GRID2: variants seen among roughly 807,000 people sequenced by gnomAD.
The protein encoded by GRID2 is glutamate receptor ionotropic, delta-2.
Under a neutral mutation model 114.8 loss-of-function variants are expected in GRID2, and 33 were observed. That is an observed-to-expected ratio of 0.29 (90% CI 0.22 to 0.38). GRID2 has a LOEUF of 0.38. GRID2 is among the 10% of genes least tolerant of loss of function. The pLI is 1.00. For missense variants in GRID2, 1,184 were observed against 1,257.7 expected, an observed-to-expected ratio of 0.94 and a Z score of 0.89; for synonymous variants, 505 against 449.9, an observed-to-expected ratio of 1.12 and a Z score of -1.55.
intron 2 of GRID2, among the ~76,000 whole-genome samples, chr4:93,049,631 A>G (rs1251248183): frequency 6.6e-6 from 1 of 151,982 alleles, no homozygotes; most frequent in African/African-American, 2.4e-5. Context: ...TTAAGAAAAC[A>G]GTGTTTTTTT....
intron 2 of GRID2, among the ~76,000 whole-genome samples, chr4:92,903,622 C>T (rs896622067): frequency 1.3e-5 from 2 of 151,880 alleles, no homozygotes; most frequent in South Asian, 4.1e-4. Flanking sequence ...CCAGTAATTT[C>T]TGGCTCTTGG....
intron 2 of GRID2, among the ~76,000 whole-genome samples, chr4:92,753,536 A>G (rs530579363): frequency 5.1e-4 from 77 of 152,298 alleles, no homozygotes; most frequent in South Asian, 6.2e-4. Context: ...AAAGCATAAT[A>G]ACGAACAAAA....
chr4:92,963,390 A>G (rs922451041), intron 2 of GRID2, among the ~76,000 whole-genome samples: 1 of 152,016 alleles, frequency 6.6e-6, no homozygotes, highest in African/African-American at 2.4e-5. Context: ...GGTTTATGTA[A>G]TATTCGAAAT....
intron 2 of GRID2, among the ~76,000 whole-genome samples, chr4:92,664,921 G>A (rs72882166): frequency 0.011 from 1,696 of 147,584 alleles, 34 homozygotes; most frequent in African/African-American, 0.04. Flanking sequence ...TCTGTCTTTG[G>A]ATCCAAAGTG....
At chr4:93,131,145 A>ATTTTGTTTTTTT (rs1734758464) in intron 4 of GRID2, among the ~76,000 whole-genome samples, 1 of 88,748 alleles carries the variant, frequency 1.1e-5, no homozygotes, top group African/African-American at 5.2e-5. Context: ...AGATTAAATA[A>ATTTTGTTTTTTT]TTTTTTTTTT....
intron 1 of GRID2, among the ~76,000 whole-genome samples, chr4:92,433,761 T>A (rs1732593556): frequency 6.6e-6 from 1 of 152,194 alleles, no homozygotes; most frequent in African/African-American, 2.4e-5. Context: ...GTGGGGAGGA[T>A]GAATACTGAA....
At chr4:92,646,836 T>G (rs944155303) in intron 2 of GRID2, among the ~76,000 whole-genome samples, 3 of 152,214 alleles carry the variant, frequency 2.0e-5, no homozygotes, top group Non-Finnish European at 2.9e-5. Flanking sequence ...ACTCCTGAAT[T>G]AGTAAATGCT....
intron 1 of GRID2, among the ~76,000 whole-genome samples, chr4:92,544,709 GT>G (rs2149166239): frequency 6.6e-6 from 1 of 152,160 alleles, no homozygotes; most frequent in East Asian, 1.9e-4. Context: ...TGACATTTCA[GT>G]TTTTTAATTT....
At chr4:93,520,035 T>C (rs1365973269) in intron 13 of GRID2, among the ~76,000 whole-genome samples, 1 of 152,108 alleles carries the variant, frequency 6.6e-6, no homozygotes, top group African/African-American at 2.4e-5. Flanking sequence ...TGGGCCAGTG[T>C]CATGGGTTTT....
chr4:92,348,779 G>C (rs1227719829), intron 1 of GRID2, among the ~76,000 whole-genome samples: 2 of 151,886 alleles, frequency 1.3e-5, no homozygotes, highest in African/African-American at 2.4e-5. Context: ...CCCTAAGCAA[G>C]GTAAAGATAA....
chr4:93,307,079 C>T (rs1325638302), intron 8 of GRID2, among the ~76,000 whole-genome samples: 1 of 151,818 alleles, frequency 6.6e-6, no homozygotes, highest in Non-Finnish European at 1.5e-5. Flanking sequence ...GCCTGTAATC[C>T]CAGCTACTTG....
At chr4:92,397,228 C>T (rs1730534447) in intron 1 of GRID2, among the ~76,000 whole-genome samples, 1 of 151,576 alleles carries the variant, frequency 6.6e-6, no homozygotes, top group Admixed American at 6.6e-5. Flanking sequence ...AATTACTTAG[C>T]TTTGTAAGCT....
chr4:93,516,091 T>C (rs1037962951), intron 13 of GRID2, among the ~76,000 whole-genome samples: 1 of 152,140 alleles, frequency 6.6e-6, no homozygotes, highest in Non-Finnish European at 1.5e-5. Context: ...TTCTTAAAAT[T>C]ATCTCTAGTG....
intron 12 of GRID2, among the ~76,000 whole-genome samples, chr4:93,491,238 G>A (rs1560676239): frequency 6.6e-6 from 1 of 151,746 alleles, no homozygotes; most frequent in Admixed American, 6.6e-5. Context: ...AAAAGGGAGG[G>A]GAATAGCAAT....
chr4:93,036,543 GA>G (rs1724951774), intron 2 of GRID2, among the ~76,000 whole-genome samples: 1 of 152,048 alleles, frequency 6.6e-6, no homozygotes, highest in Non-Finnish European at 1.5e-5. Flanking sequence ...GGCTTTCAGA[GA>G]AAAGTGTTTT....
In GRID2 at chr4:92,472,074, C is replaced by T. The variant is rs1232454948; in HGVS notation, c.89-118057C>T. On this transcript the variant is annotated intron_variant, in intron 1 of 15. Coordinates refer to ENST00000282020, the MANE Select transcript of GRID2 (RefSeq NM_001510.4). Reference sequence around the variant, plus strand: ...TCGGCCTCCCGAGTAGCTGGGACTACAGGCGCCCGCCACTACGCCCAGCTA... The same window carrying T: ...TCGGCCTCCCGAGTAGCTGGGACTATAGGCGCCCGCCACTACGCCCAGCTA... 3.4e-5 allele frequency among the ~76,000 whole-genome samples: 4 copies of T among 116,218 alleles called. 1 individual carries two copies. Among genetic ancestry groups the T allele is most frequent in the Non-Finnish European group, 3.6e-5 (2 of 56,078 alleles). The allele number at this position is 116,218 out of a possible 152,430, so 76.2% of individuals were successfully genotyped here.
chr4:93,139,713 A>G, intron 4 of GRID2, among the ~76,000 whole-genome samples: 1 of 150,750 alleles, frequency 6.6e-6, no homozygotes, highest in African/African-American at 2.5e-5. Flanking sequence ...TATTTCACTG[A>G]GGCCCTAGAC....
intron 1 of GRID2, among the ~76,000 whole-genome samples, chr4:92,337,114 C>A (rs1399259194): frequency 6.6e-6 from 1 of 151,886 alleles, no homozygotes; most frequent in South Asian, 2.1e-4. Flanking sequence ...CTTGTCAGAG[C>A]CATATCTCCA....
At chr4:92,646,619 G>A (rs1731643049) in intron 2 of GRID2, among the ~76,000 whole-genome samples, 1 of 152,218 alleles carries the variant, frequency 6.6e-6, no homozygotes, top group South Asian at 2.1e-4. Context: ...GATGACTGCT[G>A]GGGCTAACAG....
Sources: gnomAD v4.1 joint callset for allele counts (sites outside exome capture counted in the v4.1 genomes callset) on GRCh38, gnomAD v4.1.1 for gene constraint, MANE v1.5 for transcripts, NCBI Gene and HGNC (gene_info 2026-07-23, HGNC 2026-07-21) for gene names.